The following ANKRD27 variants were observed in gnomAD, a reference collection of about 807,000 sequenced individuals.
ANKRD27 encodes the protein ankyrin repeat domain-containing protein 27.
Under a neutral mutation model 129.7 loss-of-function variants are expected in ANKRD27, and 112 were observed. The ratio of observed to expected loss-of-function variants is 0.86; its 90% CI spans 0.74 to 1.01. The LOEUF is 1.01. Among genes scored for constraint, ANKRD27 ranks in the 50% least tolerant of loss-of-function variants. The pLI, the probability that ANKRD27 is intolerant of heterozygous loss-of-function variation, is 0.00. For synonymous variants in ANKRD27, 516 were observed against 511.2 expected (o/e 1.01, Z -0.13); for missense variants, 1,258 against 1,300.5 (o/e 0.97, Z 0.50).
chr19:32,674,162 G>GA (rs1210609062), intron 1 of ANKRD27, among the ~76,000 whole-genome samples: 3 of 151,616 alleles, frequency 2.0e-5, no homozygotes, highest in Non-Finnish European at 4.4e-5. Context: ...GTCTCAAAAA[G>GA]AAAAAAACGA....
intron 3 of ANKRD27, 94 bp downstream of exon 3, chr19:32,649,587 GT>G: frequency 1.2e-6 from 1 of 859,272 alleles, no homozygotes; most frequent in South Asian, 1.4e-5. Flanking sequence ...ACCATTGCCA[GT>G]AGCTGTGAAA....
In ANKRD27 at chr19:32,619,364, G is replaced by T. The variant is rs1233436227; in HGVS notation, c.1903C>A (p.Pro635Thr). 6.2e-7 allele frequency: 1 copy of T among 1,613,646 alleles called. No homozygotes were observed. Among genetic ancestry groups the T allele is most frequent in the Non-Finnish European group, 8.5e-7 (1 of 1,180,028 alleles). ...QKSSEAPVQS[P>T]QRSVDSISQE... Reference sequence around the variant, plus strand: ...CTGATGGAGTCCACGGAGCGCTGCGGGGACTGCACAGGGGCCTGCAGCCAA... The same window carrying T: ...CTGATGGAGTCCACGGAGCGCTGCGTGGACTGCACAGGGGCCTGCAGCCAA... Residue 635 changes from proline to threonine, a missense_variant, in exon 20 of 29, where the codon CCG becomes ACG. By Grantham distance (38) the Pro-to-Thr change is conservative. Coordinates refer to ENST00000306065, the MANE Select transcript of ANKRD27 (RefSeq NM_032139.3).
intron 12 of ANKRD27, among the ~76,000 whole-genome samples, chr19:32,635,661 A>C (rs1443316967): frequency 6.6e-6 from 1 of 152,060 alleles, no homozygotes; most frequent in African/African-American, 2.4e-5. Flanking sequence ...ACAAGGCAGA[A>C]GAAAGAAACT....
At position 32,598,051 on chromosome 19, in the gene ANKRD27, G is replaced by A; in HGVS notation, c.*94C>T. 2 of 1,193,210 alleles carry A rather than the reference G, an allele frequency of 1.7e-6. No homozygotes were observed. Among genetic ancestry groups the A allele is most frequent in the South Asian group, 1.3e-5 (1 of 75,290 alleles). 73.9% of individuals were successfully genotyped at this position (1,193,210 alleles called of 1,614,324 possible). On this transcript the variant is annotated 3_prime_UTR_variant, in exon 29 of 29. Transcript: ENST00000306065. ...TGAAGACTTCTCAAGCCAGTCTCAT[G>A]GAAGCACATTTAGTTCTCAGATGTG... is the stretch of plus-strand genomic sequence containing the variant.
intron 2 of ANKRD27, chr19:32,655,451 C>T (rs185531574): frequency 6.6e-6 from 1 of 152,450 alleles, no homozygotes; most frequent in South Asian, 2.1e-4. Flanking sequence ...TGTGGGGCAA[C>T]CCTGGATGGC....
intron 18 of ANKRD27, among the ~76,000 whole-genome samples, chr19:32,620,157 G>A (rs1263592513): frequency 6.6e-5 from 10 of 152,058 alleles, no homozygotes; most frequent in Admixed American, 4.6e-4. Flanking sequence ...GGGTACAGCC[G>A]GAGGCCCCTG....
At chr19:32,664,481 T>C (rs1478195674) in intron 1 of ANKRD27, among the ~76,000 whole-genome samples, 2 of 151,732 alleles carry the variant, frequency 1.3e-5, no homozygotes, top group Admixed American at 6.6e-5. Flanking sequence ...TAGCCAGGTA[T>C]GATGGCAGGT....
chr19:32,648,069 C>A (rs1172902239), intron 3 of ANKRD27, among the ~76,000 whole-genome samples: 1 of 152,098 alleles, frequency 6.6e-6, no homozygotes, highest in African/African-American at 2.4e-5. Flanking sequence ...AGTTTGAGAC[C>A]AGCCTGGCTA....
chr19:32,668,412 C>T (rs959671416), intron 1 of ANKRD27, among the ~76,000 whole-genome samples: 1 of 151,624 alleles, frequency 6.6e-6, no homozygotes, highest in Non-Finnish European at 1.5e-5. Context: ...GAGCCTCCTG[C>T]CCTGGCCTCC....
chr19:32,666,670 A>AG (rs1290246710), intron 1 of ANKRD27, among the ~76,000 whole-genome samples: 13 of 127,462 alleles, frequency 1.0e-4, no homozygotes, highest in Non-Finnish European at 1.9e-4. Context: ...TTTGAGACAG[A>AG]GTCTCACTCT....
intron 1 of ANKRD27, among the ~76,000 whole-genome samples, chr19:32,664,070 A>AAG (rs1345467916): frequency 8.2e-6 from 1 of 122,668 alleles, no homozygotes; most frequent in African/African-American, 5.7e-5. Context: ...AAAAAAAAAA[A>AAG]AAAAGAAAGA....
chr19:32,667,558 T>G (rs34362142), intron 1 of ANKRD27, among the ~76,000 whole-genome samples: 2 of 152,114 alleles, frequency 1.3e-5, no homozygotes, highest in Non-Finnish European at 2.9e-5. Flanking sequence ...CATCTTAAAG[T>G]TAAAAATTAT....
At chr19:32,674,184 A>AC (rs1162030373) in intron 1 of ANKRD27, among the ~76,000 whole-genome samples, 1 of 152,108 alleles carries the variant, frequency 6.6e-6, no homozygotes, top group Non-Finnish European at 1.5e-5. Context: ...AAGAAAGAAA[A>AC]GAAAAAAAAT....
chr19:32,604,419 C>T lies in ANKRD27; in HGVS notation c.2499G>A (p.Gly833=). 1 of 1,601,932 alleles carries T rather than the reference C, an allele frequency of 6.2e-7. No homozygotes were observed. The highest frequency in any genetic ancestry group is 8.5e-7 in the Non-Finnish European group (1 of 1,170,576). ...TATTGTTAGAAGCGTTAATGGAGGC[C>T]CCGTGCTGGAAAGAGAAACCACACG... ...HELVALLLQH[G]ASINASNNKG... is the part of the protein sequence containing the mutation. The change falls in exon 25 of 29, where the codon GGG becomes GGA. Residue 833 remains glycine (G), a synonymous_variant. Coordinates refer to ENST00000306065, the MANE Select transcript of ANKRD27 (RefSeq NM_032139.3).
Position 32,605,839 on chromosome 19 carries a change from A to G in ANKRD27, c.2489T>C (p.Leu830Pro). ...GGHHELVALL[L>P]QHGASINASN... ...AGGACAGGAAGGGGCCCTCACCTGT[A>G]GCAGCAGTGCCACAAGCTCGTGATG... The change falls in exon 24 of 29, where the codon CTA becomes CCA. Residue 830 changes from leucine (L) to proline (P), a missense_variant. Physicochemically the swap from Leu to Pro is moderately conservative, Grantham distance 98 (BLOSUM62 -3). Coordinates refer to ENST00000306065, the MANE Select transcript of ANKRD27 (RefSeq NM_032139.3). 6.2e-7 allele frequency: 1 copy of G among 1,613,706 alleles called. No homozygotes were observed. The highest frequency in any genetic ancestry group is 1.1e-5 in the South Asian group (1 of 91,060).
rs746286936 is a variant in ANKRD27 at position 32,607,727 on chromosome 19, G to A, written c.2281C>T (p.Pro761Ser). ...TTGGCCCCGTGCTTCAGCAGGAGGG[G>A]GATGAGGTCCGCCCGGCCGTGCAGG... ...AALHGRADLIPLLLKHGANAG... is the reference protein window; with the variant it reads ...AALHGRADLISLLLKHGANAG... Residue 761 changes from proline to serine, a missense_variant, in exon 23 of 29, where the codon CCC becomes TCC. Transcript: ENST00000306065. 70 of 1,612,924 alleles carry A rather than the reference G, an allele frequency of 4.3e-5. No individual in the cohort carries two copies. Among genetic ancestry groups the A allele is most frequent in the South Asian group, 1.3e-4 (12 of 90,956 alleles).
At position 32,627,853 on chromosome 19, in the gene ANKRD27, C is replaced by T. The variant is rs113027739; in HGVS notation, c.1420+230G>A. The stretch of plus-strand genomic sequence containing the variant: ...GGAGCGTTAGGCAGTGTTTCCATGC[C>T]GTGGGACCCACGCAGGGGGGCTCAG... On this transcript the variant is annotated intron_variant, in intron 15 of 28. Transcript: ENST00000306065. Among the ~76,000 whole-genome samples the T allele has an allele frequency of 7.6e-4, 115 of 152,258 alleles. 1 individual carries two copies. The highest frequency in any genetic ancestry group is 2.6e-3 in the African/African-American group (108 of 41,574).
chr19:32,622,549 G>T lies in ANKRD27; in HGVS notation c.1700C>A (p.Thr567Asn). ...CCAGCGGGCAGCAATGTGTAGAGGG[G>T]TGTCTCCTTTCTCATTGCCAATGTC... ...RLDIGNEKGD[T>N]PLHIAARWGY... Residue 567 changes from threonine to asparagine, a missense_variant, in exon 18 of 29, where the codon ACC (threonine) becomes AAC (asparagine). Thr to Asn is a moderately conservative substitution (Grantham distance 65). Coordinates refer to ENST00000306065, the MANE Select transcript of ANKRD27 (RefSeq NM_032139.3). 6.2e-7 allele frequency: 1 copy of T among 1,614,038 alleles called. No homozygotes were observed. The highest frequency in any genetic ancestry group is 1.7e-5 in the Admixed American group (1 of 60,010).
intron 1 of ANKRD27, among the ~76,000 whole-genome samples, chr19:32,666,980 T>C (rs562876629): frequency 1.2e-4 from 19 of 152,240 alleles, no homozygotes; most frequent in African/African-American, 3.9e-4. Flanking sequence ...TCATCCCACC[T>C]CTCTGAGCCT....
Sources: allele counts gnomAD v4.1 joint callset (sites outside exome capture counted in the v4.1 genomes callset), GRCh38; gene constraint gnomAD v4.1.1; transcripts MANE v1.5; gene names NCBI Gene and HGNC (gene_info 2026-07-23, HGNC 2026-07-21).